CIDEB: variants seen among roughly 807,000 people sequenced by gnomAD.
CIDEB encodes the protein cell death inducing DFFA like effector b, also known as lipid transferase CIDEB.
A neutral mutation model predicts 22.4 loss-of-function variants in CIDEB; 27 were observed. The observed-to-expected ratio is 1.21, with a 90% confidence interval of 0.89 to 1.66. The LOEUF is 1.66. Ranked by LOEUF, CIDEB falls within the 40% of genes most tolerant of loss-of-function variation. The pLI, the probability that CIDEB is intolerant of heterozygous loss-of-function variation, is 0.00. For missense variants in CIDEB, 289 were observed against 268.7 expected, an observed-to-expected ratio of 1.08 and a Z score of -0.53; for synonymous variants, 103 against 109.5, an observed-to-expected ratio of 0.94 and a Z score of 0.37.
intron 2 of CIDEB, chr14:24,307,051 C>CAAG: frequency 3.5e-6 from 1 of 288,178 alleles, no homozygotes; most frequent in East Asian, 6.8e-5. Context: ...AACAACTTCC[C>CAAG]AAGGTTTGAC....
chr14:24,305,864 A>AG, intron 4 of CIDEB, 83 bp downstream of exon 4: 1 of 1,582,104 alleles, frequency 6.3e-7, no homozygotes. Context: ...AGAGCTAACT[A>AG]GGGGTAGGTG....
At chr14:24,310,220 T>G (rs116074381), upstream of CIDEB, 114 of 444,528 alleles carry the variant, frequency 2.6e-4, no homozygotes, top group African/African-American at 2.1e-3. Flanking sequence ...ACCTTTCAGC[T>G]TCTCCAGGCC....
In CIDEB at chr14:24,305,241, A is replaced by G. The variant is rs1003797456; in HGVS notation, c.*392T>C. ...GAAATGTTTTTGTTAGTTTGAGGGG[A>G]AGGGTATGAAGACAGATCTCAAGGT... On this transcript the variant is annotated 3_prime_UTR_variant, in exon 5 of 5. Transcript: ENST00000554411. The G allele has an allele frequency of 3.3e-6, 3 of 897,792 alleles. No individual in the cohort carries two copies. Among genetic ancestry groups the G allele is most frequent in the Non-Finnish European group, 4.7e-6 (3 of 641,616 alleles). 55.6% of individuals were successfully genotyped at this position (897,792 alleles called of 1,614,324 possible).
upstream of CIDEB, chr14:24,309,389 C>A (rs2041617674): frequency 6.6e-6 from 1 of 152,294 alleles, no homozygotes; most frequent in African/African-American, 2.4e-5. Context: ...GTGCCCTCCC[C>A]AAGCAACCTC....
Position 24,306,391 on chromosome 14 carries a change from T to C in CIDEB, c.319A>G (p.Ser107Gly). The stretch of plus-strand genomic sequence containing the variant: ...CCTCTTACCCTTGTAGGGCTCCAGC[T>C]CTGACCAGACTGCAACACCATCAGG... ...TCLMVLQSGQ[S>G]WSPTRSGVLS... Residue 107 changes from serine to glycine, a missense_variant, in exon 3 of 5, where the codon AGC becomes GGC. Transcript: ENST00000554411. 1 of 1,614,194 alleles carries C rather than the reference T, an allele frequency of 6.2e-7. No homozygotes were observed. The highest frequency in any genetic ancestry group is 8.5e-7 in the Non-Finnish European group (1 of 1,180,026).
intron 2 of CIDEB, chr14:24,306,770 A>G: frequency 1.9e-6 from 1 of 526,192 alleles, no homozygotes; most frequent in Middle Eastern, 5.1e-4. Flanking sequence ...CTCCCCTCCA[A>G]GTCACTTCTG....
intron 3 of CIDEB, 70 bp from the exon 4 acceptor site, chr14:24,306,207 G>A (rs2041501454): frequency 3.2e-6 from 5 of 1,549,918 alleles, no homozygotes; most frequent in Admixed American, 3.4e-5. Context: ...CATCAGCACT[G>A]GGTCAGACCC....
At chr14:24,307,652 T>C (rs1383704599) in intron 1 of CIDEB, 137 bp from the exon 2 acceptor site, 4 of 1,012,336 alleles carry the variant, frequency 4.0e-6, no homozygotes, top group African/African-American at 1.7e-5. Flanking sequence ...GGAGAGACCA[T>C]GGAGTGCAGG....
At chr14:24,306,784 T>G (rs77824268) in intron 2 of CIDEB, 1 of 506,440 alleles carries the variant, frequency 2.0e-6, no homozygotes, top group African/African-American at 1.9e-5. Context: ...ACTTCTGGTT[T>G]GGAATTGGAA....
At chr14:24,310,585 A>G (rs778613287), upstream of CIDEB, 2 of 1,432,072 alleles carry the variant, frequency 1.4e-6, no homozygotes, top group Non-Finnish European at 2.0e-6. Flanking sequence ...GCACCTTCTC[A>G]TCGGGCATCA....
intron 1 of CIDEB, 83 bp from the exon 2 acceptor site, chr14:24,307,598 A>C (rs2041557200): frequency 2.1e-6 from 3 of 1,426,706 alleles, no homozygotes; most frequent in Non-Finnish European, 2.9e-6. Flanking sequence ...GAGTGGCTAG[A>C]GGGCTAGGGA....
In CIDEB at chr14:24,307,914, G is replaced by C. The variant is rs138916669; in HGVS notation, c.-56C>G. ...TCTGGGCTGGGTGGTTCTCTCCTGT[G>C]CTGGGGCTTTAGTGGTGTTTTCTGT... On this transcript the variant is annotated 5_prime_UTR_variant, in exon 1 of 5. Coordinates refer to ENST00000554411, the MANE Select transcript of CIDEB (RefSeq NM_001393339.1). 80 of 1,476,372 alleles carry C rather than the reference G, an allele frequency of 5.4e-5. 1 individual carries two copies. In the South Asian group the frequency reaches 9.1e-4, roughly 17 times the overall value. 91.5% of individuals were successfully genotyped at this position (1,476,372 alleles called of 1,614,324 possible).
chr14:24,308,957 ACTGGCC>A (rs1365295621), upstream of CIDEB: 1 of 152,234 alleles, frequency 6.6e-6, no homozygotes, highest in Non-Finnish European at 1.5e-5. Context: ...ACTGAAAAAA[ACTGGCC>A]CTGGCCCTGA....
At chr14:24,306,323 G>A (rs1305012274) in intron 3 of CIDEB, 51 bp downstream of exon 3, 2 of 1,609,786 alleles carry the variant, frequency 1.2e-6, no homozygotes, top group African/African-American at 1.3e-5. Flanking sequence ...GGAAGCCCGG[G>A]AAAGCTCTAA....
Position 24,305,375 on chromosome 14 carries a change from C to T in CIDEB, c.*258G>A, listed in dbSNP as rs2041464661. ...GGCTGGGATCAAGATGCCTGGGGGA[C>T]ATCTTGATCTTGGCCTTTCAGGGCA... On this transcript the variant is annotated 3_prime_UTR_variant, in exon 5 of 5. Transcript: ENST00000554411. The T allele has an allele frequency of 1.8e-6, 1 of 567,234 alleles. No homozygotes were observed. Among genetic ancestry groups the T allele is most frequent in the South Asian group, 2.8e-5 (1 of 35,888 alleles). The allele number at this position is 567,234 out of a possible 1,614,324, so 35.1% of individuals were successfully genotyped here. A position where few individuals can be genotyped will look rare whatever the true frequency, so the allele number is the denominator to read the frequency against.
rs774284635 is a variant in CIDEB at position 24,307,830 on chromosome 14, C to T, written c.29G>A (p.Ser10Asn). MEYLSALNP[S>N]DLLRSVSNIS... is the part of the protein sequence containing the mutation. The stretch of plus-strand genomic sequence containing the variant: ...GGTTAGCAGTCACCTGAGTAAGTCA[C>T]TGGGGTTCAGAGCTGAGAGGTACTC... Residue 10 changes from serine (S) to asparagine (N), a missense_variant, in exon 1 of 5, where the codon AGT becomes AAT. By Grantham distance (46) the Ser-to-Asn change is conservative. Transcript: ENST00000554411. 3.1e-6 allele frequency: 5 copies of T among 1,595,834 alleles called. No individual in the cohort carries two copies. The highest frequency in any genetic ancestry group is 8.5e-7 in the Non-Finnish European group (1 of 1,170,934).
At chr14:24,311,383 A>G, upstream of CIDEB, 14 of 1,603,094 alleles carry the variant, frequency 8.7e-6, no homozygotes, top group Non-Finnish European at 1.2e-5. Context: ...TGGGCCCCCT[A>G]CCACGCAGTC....
At chr14:24,310,505 G>A, upstream of CIDEB, 1 of 796,536 alleles carries the variant, frequency 1.3e-6, no homozygotes, top group Admixed American at 2.0e-5. Flanking sequence ...GGTGGGGTCT[G>A]GGTCCTCGTG....
upstream of CIDEB, chr14:24,308,046 G>A (rs2041575278): frequency 4.8e-6 from 3 of 627,528 alleles, no homozygotes; most frequent in Non-Finnish European, 8.7e-6. Context: ...GGAGGGATGA[G>A]GGAGGGGCCA....
Sources: allele counts gnomAD v4.1 joint callset, GRCh38; gene constraint gnomAD v4.1.1; transcripts MANE v1.5; gene names NCBI Gene and HGNC (gene_info 2026-07-23, HGNC 2026-07-21).